The following ADAMTS19 variants were observed in gnomAD, a reference collection of about 807,000 sequenced individuals.
ADAMTS19 encodes A disintegrin and metalloproteinase with thrombospondin motifs 19.
ADAMTS19 carries 93 observed loss-of-function variants against 153.3 expected under a neutral mutation model. The observed-to-expected ratio is 0.61, with a 90% CI of 0.51 to 0.72. ADAMTS19 has a LOEUF of 0.72. Ranked by LOEUF, ADAMTS19 falls within the 30% of genes least tolerant of loss-of-function variation. ADAMTS19 has a pLI of 0.00. For synonymous variants in ADAMTS19, 600 were observed against 556.6 expected (o/e 1.08, Z -1.10); for missense variants, 1,482 against 1,552.1 (o/e 0.95, Z 0.76).
At chr5:129,489,699 G>A (rs949208383) in intron 2 of ADAMTS19, among the ~76,000 whole-genome samples, 5 of 152,074 alleles carry the variant, frequency 3.3e-5, no homozygotes, top group Admixed American at 2.0e-4. Context: ...TTTACTTTTG[G>A]AGTACTCTGG....
chr5:129,618,526 T>C (rs1466913118), intron 8 of ADAMTS19, among the ~76,000 whole-genome samples: 1 of 152,012 alleles, frequency 6.6e-6, no homozygotes, highest in Non-Finnish European at 1.5e-5. Flanking sequence ...CAAAAACATA[T>C]TTAATTTTAA....
chr5:129,542,399 A>G (rs1277118470), intron 6 of ADAMTS19, among the ~76,000 whole-genome samples: 1 of 152,214 alleles, frequency 6.6e-6, no homozygotes, highest in African/African-American at 2.4e-5. Context: ...GAAAGATGCT[A>G]GGGACTAGAG....
intron 2 of ADAMTS19, among the ~76,000 whole-genome samples, chr5:129,491,998 C>T (rs1445963310): frequency 6.6e-6 from 1 of 152,082 alleles, no homozygotes; most frequent in Non-Finnish European, 1.5e-5. Context: ...TCTGTTCTTC[C>T]ATTGCTGTAA....
chr5:129,497,560 T>TA (rs1204926148), intron 2 of ADAMTS19, among the ~76,000 whole-genome samples: 1 of 152,150 alleles, frequency 6.6e-6, no homozygotes, highest in Non-Finnish European at 1.5e-5. Context: ...TCTCTATCCC[T>TA]AAAATCTGTT....
At chr5:129,534,338 T>C (rs908887799) in intron 6 of ADAMTS19, among the ~76,000 whole-genome samples, 1 of 152,090 alleles carries the variant, frequency 6.6e-6, no homozygotes, top group Non-Finnish European at 1.5e-5. Flanking sequence ...AATGGATAAA[T>C]TCCTCGACGC....
At chr5:129,699,715 G>A (rs1755742173) in intron 19 of ADAMTS19, among the ~76,000 whole-genome samples, 1 of 152,038 alleles carries the variant, frequency 6.6e-6, no homozygotes, top group Non-Finnish European at 1.5e-5. Context: ...TGGCTGTCAA[G>A]GATCCAGGCA....
At chr5:129,574,856 C>A (rs1375327337) in intron 7 of ADAMTS19, among the ~76,000 whole-genome samples, 1 of 105,226 alleles carries the variant, frequency 9.5e-6, no homozygotes, top group Non-Finnish European at 2.5e-5. Context: ...TCAAAGCATT[C>A]TTGAAAAAAA....
At chr5:129,512,794 T>C (rs1162450830) in intron 3 of ADAMTS19, among the ~76,000 whole-genome samples, 2 of 152,054 alleles carry the variant, frequency 1.3e-5, no homozygotes, top group Non-Finnish European at 2.9e-5. Context: ...ATCCCCCTCA[T>C]TTTATAAACT....
intron 11 of ADAMTS19, among the ~76,000 whole-genome samples, chr5:129,645,419 A>C (rs1294981558): frequency 2.0e-5 from 3 of 152,204 alleles, no homozygotes; most frequent in African/African-American, 7.2e-5. Context: ...GAAGCACAGA[A>C]CCATATAGAA....
At chr5:129,730,985 G>A (rs181976431) in intron 21 of ADAMTS19, among the ~76,000 whole-genome samples, 53 of 151,580 alleles carry the variant, frequency 3.5e-4, no homozygotes, top group Non-Finnish European at 6.3e-4. Flanking sequence ...TTGAGACAGA[G>A]TCTCACTCTG....
At chr5:129,725,462 C>T (rs1757169161) in intron 21 of ADAMTS19, among the ~76,000 whole-genome samples, 1 of 151,868 alleles carries the variant, frequency 6.6e-6, no homozygotes. Context: ...TCTAATATTC[C>T]TAGGAGGTCA....
intron 8 of ADAMTS19, among the ~76,000 whole-genome samples, chr5:129,603,603 A>G (rs947998014): frequency 6.6e-6 from 1 of 152,190 alleles, no homozygotes; most frequent in African/African-American, 2.4e-5. Flanking sequence ...ATTGTACAAT[A>G]TCTAAATTAT....
At chr5:129,632,620 TTTTCA>T (rs773809442) in intron 10 of ADAMTS19, among the ~76,000 whole-genome samples, 25 of 152,106 alleles carry the variant, frequency 1.6e-4, no homozygotes, top group Non-Finnish European at 3.1e-4. Flanking sequence ...CACCTGAAAA[TTTTCA>T]TTTCATCATA....
At chr5:129,693,614 A>G (rs1360635040) in intron 18 of ADAMTS19, among the ~76,000 whole-genome samples, 1 of 152,212 alleles carries the variant, frequency 6.6e-6, no homozygotes. Context: ...AGAAATCTGT[A>G]TATAAGACTT....
intron 6 of ADAMTS19, among the ~76,000 whole-genome samples, chr5:129,533,466 T>G (rs1374719384): frequency 6.6e-6 from 1 of 152,220 alleles, no homozygotes; most frequent in Non-Finnish European, 1.5e-5. Flanking sequence ...TTATTGCGTC[T>G]ATTTGATTCT....
At chr5:129,668,770 T>C (rs186271358) in intron 16 of ADAMTS19, among the ~76,000 whole-genome samples, 16 of 152,282 alleles carry the variant, frequency 1.1e-4, no homozygotes, top group South Asian at 4.1e-4. Context: ...GTAAAATATA[T>C]ATCACATAAA....
At chr5:129,633,124 G>A (rs2127004383) in intron 10 of ADAMTS19, among the ~76,000 whole-genome samples, 1 of 151,916 alleles carries the variant, frequency 6.6e-6, no homozygotes, top group Non-Finnish European at 1.5e-5. Context: ...CTATTTTCAA[G>A]CTTACTGAAT....
At chr5:129,632,718 A>G (rs776509302) in intron 10 of ADAMTS19, among the ~76,000 whole-genome samples, 2 of 151,930 alleles carry the variant, frequency 1.3e-5, no homozygotes, top group Non-Finnish European at 2.9e-5. Context: ...ACCTTCCTCT[A>G]TCTTCTCTTC....
At chr5:129,520,578 T>C (rs987635974) in intron 3 of ADAMTS19, among the ~76,000 whole-genome samples, 2 of 151,938 alleles carry the variant, frequency 1.3e-5, no homozygotes, top group African/African-American at 4.9e-5. Context: ...TTGTTTCCAC[T>C]AATTATTATT....
Sources: allele counts gnomAD v4.1 joint callset (sites outside exome capture counted in the v4.1 genomes callset), GRCh38; gene constraint gnomAD v4.1.1; transcripts MANE v1.5; gene names NCBI Gene and HGNC (gene_info 2026-07-23, HGNC 2026-07-21).